GALNTL6: variants seen among roughly 807,000 people sequenced by gnomAD.
GALNTL6 encodes the protein polypeptide N-acetylgalactosaminyltransferase like 6.
In GALNTL6, 46 loss-of-function variants were observed where a neutral mutation model predicts 73.7. The observed-to-expected ratio is 0.62, with a 90% CI of 0.49 to 0.80. GALNTL6 has a LOEUF of 0.80. GALNTL6 is among the 30% of genes least tolerant of loss of function. The probability of loss-of-function intolerance (pLI) is 0.00; values close to 1 mark genes in which losing one functional copy is unlikely to be tolerated. For synonymous variants in GALNTL6, 259 were observed against 263.7 expected (o/e 0.98, Z 0.17); for missense variants, 604 against 755.0 (o/e 0.80, Z 2.34).
chr4:172,678,754 G>A (rs1732450680), intron 5 of GALNTL6, among the ~76,000 whole-genome samples: 1 of 152,154 alleles, frequency 6.6e-6, no homozygotes, highest in African/African-American at 2.4e-5. Flanking sequence ...AATCCATGAT[G>A]TCACTTCTCA....
chr4:172,457,353 C>T (rs1179558870), intron 5 of GALNTL6, among the ~76,000 whole-genome samples: 4 of 152,132 alleles, frequency 2.6e-5, no homozygotes, highest in Non-Finnish European at 4.4e-5. Context: ...ATCAAATTCA[C>T]ACATAACAAT....
At chr4:172,765,691 A>T (rs1388661940) in intron 5 of GALNTL6, among the ~76,000 whole-genome samples, 1 of 152,138 alleles carries the variant, frequency 6.6e-6, no homozygotes, top group Non-Finnish European at 1.5e-5. Context: ...AGATGTTGAC[A>T]GTTTTGTGTT....
chr4:172,152,663 C>CAGTAGTG, intron 2 of GALNTL6, among the ~76,000 whole-genome samples: 1 of 152,288 alleles, frequency 6.6e-6, no homozygotes, highest in South Asian at 2.1e-4. Context: ...GGCTGGAGTA[C>CAGTAGTG]AGTAGTGAGA....
chr4:172,335,826 C>A (rs991527877), intron 4 of GALNTL6, among the ~76,000 whole-genome samples: 1 of 152,014 alleles, frequency 6.6e-6, no homozygotes, highest in East Asian at 1.9e-4. Flanking sequence ...CTTATTTGAA[C>A]CTCTGTTTTT....
At chr4:171,898,824 G>A (rs757111411) in intron 2 of GALNTL6, among the ~76,000 whole-genome samples, 28 of 152,008 alleles carry the variant, frequency 1.8e-4, no homozygotes, top group Admixed American at 1.1e-3. Context: ...GCCAAAATGC[G>A]TCAGAATGTT....
Position 172,744,183 on chromosome 4 carries a change from G to A in GALNTL6, c.554-65178G>A, listed in dbSNP as rs114145146. 4.3e-3 allele frequency among the ~76,000 whole-genome samples: 660 copies of A among 152,146 alleles called. 5 individuals carry two copies. The highest frequency in any genetic ancestry group is 0.015 in the African/African-American group (634 of 41,508). On this transcript the variant is annotated intron_variant, in intron 5 of 12. Transcript: ENST00000506823. Reference sequence around the variant, plus strand: ...CCACTGAACTGACTGTTAGACAAAGGTTAACATTCCATTTACCATCTGACT... The same window carrying A: ...CCACTGAACTGACTGTTAGACAAAGATTAACATTCCATTTACCATCTGACT...
chr4:172,468,736 G>A (rs545132847), intron 5 of GALNTL6, among the ~76,000 whole-genome samples: 1 of 152,172 alleles, frequency 6.6e-6, no homozygotes, highest in East Asian at 1.9e-4. Context: ...AGACATCGAA[G>A]CAAGTATTTT....
At chr4:172,498,717 A>G (rs1004789603) in intron 5 of GALNTL6, among the ~76,000 whole-genome samples, 7 of 152,200 alleles carry the variant, frequency 4.6e-5, no homozygotes, top group African/African-American at 1.4e-4. Flanking sequence ...TAATGGAACT[A>G]TATCGACTGA....
At chr4:172,748,803 G>A (rs1348289620) in intron 5 of GALNTL6, among the ~76,000 whole-genome samples, 2 of 152,188 alleles carry the variant, frequency 1.3e-5, no homozygotes, top group African/African-American at 2.4e-5. Flanking sequence ...CGAAGTGATG[G>A]ATATGCTAAT....
intron 5 of GALNTL6, among the ~76,000 whole-genome samples, chr4:172,580,286 A>T (rs923532364): frequency 6.6e-6 from 1 of 152,188 alleles, no homozygotes; most frequent in Non-Finnish European, 1.5e-5. Flanking sequence ...CAAATATATA[A>T]TATGTTTGAA....
intron 9 of GALNTL6, among the ~76,000 whole-genome samples, chr4:172,932,634 G>T (rs968356570): frequency 2.6e-5 from 4 of 152,040 alleles, no homozygotes; most frequent in African/African-American, 9.7e-5. Context: ...CAGATTTTGG[G>T]ATATTCACAT....
rs568514034 is a variant in GALNTL6, at chr4:172,529,159, A to G, written c.553+180470A>G. 2.0e-5 allele frequency among the ~76,000 whole-genome samples: 3 copies of G among 151,244 alleles called. No homozygotes were observed. The South Asian group carries it at 6.3e-4, about 32-fold the overall frequency. On this transcript the variant is annotated intron_variant, in intron 5 of 12. Coordinates refer to ENST00000506823, the MANE Select transcript of GALNTL6 (RefSeq NM_001034845.3). ...GTAAACAAGCATTTCTTTAGTGCCTACTGGGTGATAATGTCTTGATTAAGG... is the reference window on the plus strand; with the variant it reads ...GTAAACAAGCATTTCTTTAGTGCCTGCTGGGTGATAATGTCTTGATTAAGG...
chr4:172,186,916 C>T (rs182155721), intron 2 of GALNTL6, among the ~76,000 whole-genome samples: 3 of 152,072 alleles, frequency 2.0e-5, no homozygotes, highest in Non-Finnish European at 2.9e-5. Context: ...AAAATGGTTA[C>T]GTTACATGAA....
intron 2 of GALNTL6, among the ~76,000 whole-genome samples, chr4:172,133,253 A>T (rs1431602489): frequency 2.0e-5 from 3 of 152,210 alleles, no homozygotes; most frequent in Non-Finnish European, 4.4e-5. Flanking sequence ...GTTGGGTAAG[A>T]TAATGAGGTC....
intron 5 of GALNTL6, among the ~76,000 whole-genome samples, chr4:172,516,372 A>G (rs1389172232): frequency 6.6e-6 from 1 of 152,178 alleles, no homozygotes; most frequent in Non-Finnish European, 1.5e-5. Context: ...TTCAGCTTTC[A>G]TGACTCCTCA....
intron 10 of GALNTL6, among the ~76,000 whole-genome samples, chr4:172,975,725 C>T (rs1284185853): frequency 6.6e-6 from 1 of 152,188 alleles, no homozygotes; most frequent in African/African-American, 2.4e-5. Context: ...CTTCCATGCT[C>T]ATCGGCGAGG....
At chr4:172,916,826 G>C (rs1163023702) in intron 8 of GALNTL6, among the ~76,000 whole-genome samples, 1 of 152,122 alleles carries the variant, frequency 6.6e-6, no homozygotes, top group Admixed American at 6.6e-5. Context: ...TACTGCCCAA[G>C]GTAATTTATA....
intron 2 of GALNTL6, among the ~76,000 whole-genome samples, chr4:172,037,392 T>G (rs964285665): frequency 7.2e-5 from 11 of 152,196 alleles, no homozygotes; most frequent in African/African-American, 2.7e-4. Context: ...AGCATCTATT[T>G]GATCTTTCTT....
chr4:172,300,199 CTT>C lies in GALNTL6; in HGVS notation c.248-11409_248-11408del, dbSNP rs1272665847. On this transcript the variant is annotated intron_variant, in intron 3 of 12. Transcript: ENST00000506823. Reference sequence around the variant, plus strand: ...CAGAGACTAGGATTGCAAACCCTGCCTTTTTTTGTTTTCCATTTGCTTGGTAG... The same window carrying C: ...CAGAGACTAGGATTGCAAACCCTGCCTTTTTGTTTTCCATTTGCTTGGTAG... Among the ~76,000 whole-genome samples the C allele has an allele frequency of 3.3e-5, 5 of 152,024 alleles. No homozygotes were observed. In the South Asian group the frequency reaches 6.2e-4, roughly 19 times the overall value.
Sources: gnomAD v4.1 joint callset for allele counts (sites outside exome capture counted in the v4.1 genomes callset) on GRCh38, gnomAD v4.1.1 for gene constraint, MANE v1.5 for transcripts, NCBI Gene and HGNC (gene_info 2026-07-23, HGNC 2026-07-21) for gene names.